Variants in RTEL1 observed in about 807,000 individuals in gnomAD.
The protein encoded by RTEL1 is regulator of telomere elongation helicase 1.
RTEL1 carries 86 observed loss-of-function variants against 162.2 expected under a neutral mutation model. That is an observed-to-expected ratio of 0.53 (90% CI 0.45 to 0.63). The LOEUF is 0.63. Among genes scored for constraint, RTEL1 ranks in the 30% least tolerant of loss-of-function variants. The pLI, the probability that RTEL1 is intolerant of heterozygous loss-of-function variation, is 0.00. For synonymous variants in RTEL1, 958 were observed against 717.9 expected, an observed-to-expected ratio of 1.33 and a Z score of -5.35; for missense variants, 1,941 against 1,750.2, an observed-to-expected ratio of 1.11 and a Z score of -1.95.
intron 7 of RTEL1, among the ~76,000 whole-genome samples, chr20:63,667,234 G>A (rs1424061438): frequency 6.6e-6 from 1 of 152,144 alleles, no homozygotes; most frequent in African/African-American, 2.4e-5. Flanking sequence ...AAGAGACGAC[G>A]ATTTACATGG....
At chr20:63,677,520 C>T (rs904489141) in intron 10 of RTEL1, among the ~76,000 whole-genome samples, 7 of 152,114 alleles carry the variant, frequency 4.6e-5, no homozygotes, top group South Asian at 2.1e-4. Flanking sequence ...GAGACAGACA[C>T]GAGAATTGCT....
intron 12 of RTEL1, among the ~76,000 whole-genome samples, chr20:63,679,001 C>T (rs950824359): frequency 6.6e-6 from 1 of 152,158 alleles, no homozygotes; most frequent in East Asian, 1.9e-4. Flanking sequence ...TGGTCCAGTC[C>T]GTCATTTGAG....
At chr20:63,685,955 GC>G in intron 16 of RTEL1, 83 bp downstream of exon 16, 1 of 1,347,770 alleles carries the variant, frequency 7.4e-7, no homozygotes. Context: ...CACATGCCCA[GC>G]CGTGGATCTC....
intron 16 of RTEL1, 114 bp from the exon 17 acceptor site, chr20:63,687,524 C>T (rs1448766712): frequency 7.3e-6 from 9 of 1,229,986 alleles, no homozygotes; most frequent in African/African-American, 1.5e-5. Flanking sequence ...TGGCTGCCCG[C>T]GGCTCGCTTG....
rs756686030 is a variant in RTEL1 at position 63,687,602 on chromosome 20, C to T, written c.1349-36C>T. ...GTGGTCAGGCCCCCAGTCCCGTCCT[C>T]ACACTCTGTGCCCTCTGCCGCCCCC... On this transcript the variant is annotated intron_variant, in intron 16 of 34. Coordinates refer to ENST00000360203, the MANE Select transcript of RTEL1 (RefSeq NM_001283009.2). 1.9e-6 allele frequency: 3 copies of T among 1,573,756 alleles called. No individual in the cohort carries two copies. In the South Asian group the frequency reaches 3.5e-5, roughly 18 times the overall value.
At chr20:63,690,694 C>G (rs771721719) in intron 26 of RTEL1, 111 bp from the exon 27 acceptor site, 135 of 1,278,718 alleles carry the variant, frequency 1.1e-4, no homozygotes, top group Non-Finnish European at 1.3e-4. Flanking sequence ...AGGACACCCA[C>G]AGGCAGGACC....
In RTEL1 at chr20:63,693,210, A is replaced by G. The variant is rs767648957; in HGVS notation, c.2919A>G (p.Gly973=). The change falls in exon 30 of 35, where the codon GGA becomes GGG. Residue 973 remains glycine (G), a synonymous_variant. Coordinates refer to ENST00000360203, the MANE Select transcript of RTEL1 (RefSeq NM_001283009.2). ...AGGAGGTCTGTATCCAGCTGACAGG[A>G]CGAGGCTGTGGCTATCGGCCTGAGC... The part of the protein sequence containing the change: ...QFEEVCIQLT[G]RGCGYRPEHS... 3.1e-6 allele frequency: 5 copies of G among 1,612,008 alleles called. No homozygotes were observed. The highest frequency in any genetic ancestry group is 1.3e-5 in the African/African-American group (1 of 74,852).
At position 63,685,856 on chromosome 20, in the gene RTEL1, T is replaced by A. The variant is rs753642100; in HGVS notation, c.1332T>A (p.Thr444=). 6.2e-7 allele frequency: 1 copy of A among 1,612,604 alleles called. No individual in the cohort carries two copies. The change falls in exon 16 of 35, where the codon ACT becomes ACA. Residue 444 remains threonine (T), a synonymous_variant. Transcript: ENST00000360203. ...TAQRSDAWST[T]AARKRGKVLS... is the part of the protein sequence containing the mutation. ...AGCGGTCTGATGCCTGGAGCACCAC[T>A]GCAGCCAGAAAGCGAGGTACAGACC...
Position 63,690,840 on chromosome 20 carries a change from T to C in RTEL1, c.2449T>C (p.Cys817Arg), listed in dbSNP as rs1258031232. The C allele has an allele frequency of 4.4e-6, 7 of 1,605,062 alleles. No homozygotes were observed. Among genetic ancestry groups the C allele is most frequent in the Non-Finnish European group, 5.1e-6 (6 of 1,177,680 alleles). The change falls in exon 27 of 35, where the codon TGT becomes CGT. Residue 817 changes from cysteine (C) to arginine (R), a missense_variant. Physicochemically the swap from Cys to Arg is radical, Grantham distance 180. Coordinates refer to ENST00000360203, the MANE Select transcript of RTEL1 (RefSeq NM_001283009.2). ...TGCCGGGGACCCCGAGAGTAGCCTG[T>C]GTGTGGAGTATGAGCAGGAGCCAGT... ...PAAGDPESSLCVEYEQEPVPA... is the reference protein window; with the variant it reads ...PAAGDPESSLRVEYEQEPVPA...
At chr20:63,670,983 A>T (rs1428436090) in intron 8 of RTEL1, among the ~76,000 whole-genome samples, 1 of 152,200 alleles carries the variant, frequency 6.6e-6, no homozygotes, top group Non-Finnish European at 1.5e-5. Context: ...GACTGTGGTC[A>T]CACAGCAGCA....
chr20:63,694,253 T>G (rs2090906659), intron 30 of RTEL1, 119 bp from the exon 31 acceptor site: 2 of 861,476 alleles, frequency 2.3e-6, no homozygotes, highest in Non-Finnish European at 3.9e-6. Context: ...CTGCCTGGGT[T>G]TTCCCGCCCT....
intron 8 of RTEL1, among the ~76,000 whole-genome samples, chr20:63,671,288 T>A (rs1039682470): frequency 2.0e-5 from 3 of 151,894 alleles, no homozygotes; most frequent in African/African-American, 7.3e-5. Context: ...CCCAAACTCC[T>A]GACCTTGTCA....
chr20:63,683,289 C>T (rs955162662), intron 14 of RTEL1, among the ~76,000 whole-genome samples: 1 of 152,178 alleles, frequency 6.6e-6, no homozygotes, highest in Non-Finnish European at 1.5e-5. Context: ...TCGAAGGAAG[C>T]TGTTTCCTGA....
rs746604406 is a variant in RTEL1 at position 63,689,570 on chromosome 20, C to G, written c.1947C>G (p.Pro649=). Residue 649 remains proline, a synonymous_variant, in exon 23 of 35, where the codon CCC becomes CCG. Coordinates refer to ENST00000360203, the MANE Select transcript of RTEL1 (RefSeq NM_001283009.2). ...RGVIVTGLPY[P]PRMDPRVVLK... is the part of the protein sequence containing the mutation. ...TGATTGTCACGGGCCTCCCGTACCCCCCACGCATGGACCCCCGGGTTGTCC... is the reference window on the plus strand; with the variant it reads ...TGATTGTCACGGGCCTCCCGTACCCGCCACGCATGGACCCCCGGGTTGTCC... 4 of 1,612,218 alleles carry G rather than the reference C, an allele frequency of 2.5e-6. No individual in the cohort carries two copies. The South Asian group carries it at 4.4e-5, about 18-fold the overall frequency.
rs764351692 is a variant in RTEL1 at position 63,690,437 on chromosome 20, C to T, written c.2409C>T (p.Ser803=). The T allele has an allele frequency of 2.5e-6, 4 of 1,582,786 alleles. No homozygotes were observed. Among genetic ancestry groups the T allele is most frequent in the South Asian group, 2.2e-5 (2 of 89,140 alleles). The change falls in exon 26 of 35, where the codon TCC becomes TCT. Residue 803 remains serine, a synonymous_variant. Coordinates refer to ENST00000360203, the MANE Select transcript of RTEL1 (RefSeq NM_001283009.2). The part of the protein sequence containing the change: ...DLHVPSLKQR[S]SGSPAAGDPE... Reference sequence around the variant, plus strand: ...ATGTCCCCAGCCTGAAGCAGAGGTCCTCAGGTGCGGACGGGCAGCGCTGGG... The same window carrying T: ...ATGTCCCCAGCCTGAAGCAGAGGTCTTCAGGTGCGGACGGGCAGCGCTGGG...
intron 8 of RTEL1, among the ~76,000 whole-genome samples, chr20:63,671,831 C>T (rs1163642788): frequency 6.6e-6 from 1 of 151,696 alleles, no homozygotes. Flanking sequence ...GGACCCCACC[C>T]CAGATTGCTC....
In RTEL1 at chr20:63,662,630, A is replaced by C; in HGVS notation, c.477+3A>C. On this transcript the variant is annotated splice_donor_region_variant and intron_variant, in intron 5 of 34. Coordinates refer to ENST00000360203, the MANE Select transcript of RTEL1 (RefSeq NM_001283009.2). ...AACAAGAGAGTAACCATCTACAGGTAGGCTCCTGGGCTCCCGCTCCGGCTC... is the reference window on the plus strand; with the variant it reads ...AACAAGAGAGTAACCATCTACAGGTCGGCTCCTGGGCTCCCGCTCCGGCTC... The C allele has an allele frequency of 6.2e-7, 1 of 1,613,790 alleles. No individual in the cohort carries two copies. The highest frequency in any genetic ancestry group is 1.7e-5 in the Admixed American group (1 of 59,994).
At chr20:63,693,959 C>T (rs1179562809) in intron 30 of RTEL1, among the ~76,000 whole-genome samples, 2 of 151,500 alleles carry the variant, frequency 1.3e-5, no homozygotes, top group African/African-American at 2.4e-5. Context: ...CTGTTTCTGC[C>T]TCTGTTTGGG....
intron 30 of RTEL1, among the ~76,000 whole-genome samples, 165 bp downstream of exon 30, chr20:63,693,448 G>GCACCACCACCACCACCTCCACCAC (rs1317237188): frequency 2.4e-5 from 1 of 42,320 alleles, no homozygotes; most frequent in Admixed American, 2.1e-4. Context: ...AGCACCAGCA[G>GCACCACCACCACCACCTCCACCAC]CACCACCTCC....
Sources: gnomAD v4.1 joint callset for allele counts (sites outside exome capture counted in the v4.1 genomes callset) on GRCh38, gnomAD v4.1.1 for gene constraint, MANE v1.5 for transcripts, NCBI Gene and HGNC (gene_info 2026-07-23, HGNC 2026-07-21) for gene names.